Variants in GRM5 observed in about 807,000 individuals in gnomAD.
GRM5 encodes metabotropic glutamate receptor 5.
In GRM5, 19 loss-of-function variants were observed where a neutral mutation model predicts 83.1. That is an observed-to-expected ratio of 0.23 (90% CI 0.16 to 0.34). The LOEUF (loss-of-function observed/expected upper bound fraction) is 0.34, where lower values mean the gene tolerates loss of function less well. GRM5 is among the 10% of genes least tolerant of loss of function. The probability of loss-of-function intolerance (pLI) is 1.00; values close to 1 mark genes in which losing one functional copy is unlikely to be tolerated. For missense variants in GRM5, 1,160 were observed against 1,588.3 expected (o/e 0.73, Z 4.58); for synonymous variants, 675 against 633.6 (o/e 1.07, Z -0.98).
intron 2 of GRM5, among the ~76,000 whole-genome samples, chr11:88,905,919 C>A (rs1289128619): frequency 6.6e-6 from 1 of 152,172 alleles, no homozygotes; most frequent in Non-Finnish European, 1.5e-5. Context: ...ACATTCAAAT[C>A]TTATTATACT....
At chr11:88,510,886 G>A (rs544729880) in intron 9 of GRM5, among the ~76,000 whole-genome samples, 4 of 152,304 alleles carry the variant, frequency 2.6e-5, no homozygotes, top group Admixed American at 1.3e-4. Flanking sequence ...TGTTACTAGG[G>A]GGTCTGTTAT....
chr11:88,680,353 C>T (rs1377508906), intron 3 of GRM5, among the ~76,000 whole-genome samples: 1 of 152,014 alleles, frequency 6.6e-6, no homozygotes, highest in African/African-American at 2.4e-5. Context: ...TTTGTCCTTG[C>T]AATAGTTTGC....
At chr11:89,031,870 C>T (rs993574537) in intron 2 of GRM5, among the ~76,000 whole-genome samples, 2 of 151,794 alleles carry the variant, frequency 1.3e-5, no homozygotes, top group Non-Finnish European at 2.9e-5. Context: ...TCTCAGACAC[C>T]AGAATATTAG....
At chr11:88,948,878 G>A (rs1212411779) in intron 2 of GRM5, among the ~76,000 whole-genome samples, 2 of 152,156 alleles carry the variant, frequency 1.3e-5, no homozygotes, top group Non-Finnish European at 2.9e-5. Context: ...AAAGGCAAGT[G>A]CAAATAAAGT....
chr11:88,890,082 G>A (rs1346276354), intron 2 of GRM5, among the ~76,000 whole-genome samples: 1 of 150,118 alleles, frequency 6.7e-6, no homozygotes, highest in African/African-American at 2.5e-5. Context: ...AATCAGAGAA[G>A]CATGCTCTTG....
intron 3 of GRM5, among the ~76,000 whole-genome samples, chr11:88,790,322 GTGTT>G (rs1405591484): frequency 2.0e-5 from 3 of 152,214 alleles, no homozygotes; most frequent in East Asian, 1.9e-4. Context: ...ATCAATCTCT[GTGTT>G]TGTTTTTCCC....
In GRM5 at chr11:88,865,190, G is replaced by C. The variant is rs1327703435; in HGVS notation, c.662-15035C>G. ...AAGCTATAGTAACCAAAACAGCATG[G>C]TACTCATATCAAAACAAATATATAT... On this transcript the variant is annotated intron_variant, in intron 2 of 9. Transcript: ENST00000305447. 2.4e-4 allele frequency among the ~76,000 whole-genome samples: 37 copies of C among 152,008 alleles called. 1 individual carries two copies. Among genetic ancestry groups the C allele is most frequent in the Admixed American group, 2.4e-3 (37 of 15,224 alleles).
At chr11:88,530,431 C>T (rs903347699) in intron 8 of GRM5, among the ~76,000 whole-genome samples, 1 of 151,928 alleles carries the variant, frequency 6.6e-6, no homozygotes, top group Non-Finnish European at 1.5e-5. Context: ...TGCTTATCTT[C>T]TGTAAAGATT....
chr11:89,030,200 T>C (rs1941228789), intron 2 of GRM5, among the ~76,000 whole-genome samples: 1 of 152,188 alleles, frequency 6.6e-6, no homozygotes, highest in South Asian at 2.1e-4. Context: ...ACTTGGATAT[T>C]TGACTTCTTC....
chr11:88,737,309 C>A (rs1310806467), intron 3 of GRM5, among the ~76,000 whole-genome samples: 3 of 152,044 alleles, frequency 2.0e-5, no homozygotes, highest in African/African-American at 7.2e-5. Context: ...ATTGTCCCTG[C>A]ATGTGTAGCC....
chr11:88,970,531 G>C (rs1939136075), intron 2 of GRM5, among the ~76,000 whole-genome samples: 1 of 152,294 alleles, frequency 6.6e-6, no homozygotes, highest in South Asian at 2.1e-4. Flanking sequence ...CTGTACATAG[G>C]AAGAAGAAAC....
At chr11:89,016,262 A>G (rs1940852863) in intron 2 of GRM5, among the ~76,000 whole-genome samples, 1 of 149,726 alleles carries the variant, frequency 6.7e-6, no homozygotes, top group Admixed American at 6.7e-5. Flanking sequence ...TCTATAACAC[A>G]TAACATATAT....
chr11:88,897,025 C>T (rs186383490), intron 2 of GRM5, among the ~76,000 whole-genome samples: 1 of 151,750 alleles, frequency 6.6e-6, no homozygotes, highest in African/African-American at 2.4e-5. Flanking sequence ...GACAAAATAC[C>T]CTAATCAAAC....
At chr11:89,049,331 T>C (rs1941709584) in intron 1 of GRM5, among the ~76,000 whole-genome samples, 1 of 152,338 alleles carries the variant, frequency 6.6e-6, no homozygotes. Context: ...AATTCTAGCA[T>C]AATTTGTAAA....
At chr11:88,585,446 A>C (rs1441079568) in intron 7 of GRM5, among the ~76,000 whole-genome samples, 1 of 152,118 alleles carries the variant, frequency 6.6e-6, no homozygotes. Context: ...AATCTTTTTA[A>C]ATTTCCCTTA....
intron 4 of GRM5, among the ~76,000 whole-genome samples, chr11:88,616,676 G>GATTA (rs1938495213): frequency 6.6e-6 from 1 of 152,090 alleles, no homozygotes; most frequent in Non-Finnish European, 1.5e-5. Flanking sequence ...TAAGTAGACG[G>GATTA]ATTAGAGTGT....
At chr11:88,983,352 A>T (rs1939588808) in intron 2 of GRM5, among the ~76,000 whole-genome samples, 1 of 152,246 alleles carries the variant, frequency 6.6e-6, no homozygotes, top group African/African-American at 2.4e-5. Context: ...TCATGTGCAT[A>T]GTAACTACAG....
chr11:88,607,109 C>A (rs532546212), intron 4 of GRM5, among the ~76,000 whole-genome samples: 1 of 151,966 alleles, frequency 6.6e-6, no homozygotes, highest in Non-Finnish European at 1.5e-5. Flanking sequence ...GAGAAACTGG[C>A]GTAGTGCATT....
intron 7 of GRM5, among the ~76,000 whole-genome samples, chr11:88,568,334 T>C (rs1316215373): frequency 1.3e-5 from 2 of 152,138 alleles, no homozygotes. Context: ...TTCTAAGCAG[T>C]CTCTTGAAGC....
Sources: allele counts gnomAD v4.1 joint callset (sites outside exome capture counted in the v4.1 genomes callset), GRCh38; gene constraint gnomAD v4.1.1; transcripts MANE v1.5; gene names NCBI Gene and HGNC (gene_info 2026-07-23, HGNC 2026-07-21).